Variants in CHRNG observed in about 807,000 individuals in gnomAD.
The protein encoded by CHRNG is acetylcholine receptor subunit gamma.
Under a neutral mutation model 65.2 loss-of-function variants are expected in CHRNG, and 72 were observed. That is an observed-to-expected ratio of 1.10 (90% CI 0.91 to 1.34). The LOEUF is 1.34. Ranked by LOEUF, CHRNG falls within the 40% of genes most tolerant of loss-of-function variation. CHRNG has a pLI of 0.00. For missense variants in CHRNG, 637 were observed against 680.1 expected, an observed-to-expected ratio of 0.94 and a Z score of 0.70; for synonymous variants, 284 against 290.2, an observed-to-expected ratio of 0.98 and a Z score of 0.22.
In CHRNG at chr2:232,545,741, TG is replaced by T; in HGVS notation, c.*28del. The T allele has an allele frequency of 6.2e-7, 1 of 1,613,300 alleles. No homozygotes were observed. Among genetic ancestry groups the T allele is most frequent in the South Asian group, 1.1e-5 (1 of 91,076 alleles). ...AGCCAACCAACCACTGTGGGGCATG[TG>T]GGAGTCACACACGTGGGTCACACTG... On this transcript the variant is annotated 3_prime_UTR_variant, in exon 12 of 12. Coordinates refer to ENST00000651502, the MANE Select transcript of CHRNG (RefSeq NM_005199.5).
intron 1 of CHRNG, 57 bp from the exon 2 acceptor site, chr2:232,539,935 G>A: frequency 6.2e-7 from 1 of 1,612,958 alleles, no homozygotes; most frequent in Non-Finnish European, 8.5e-7. Flanking sequence ...CACCCCCAGG[G>A]CCTCCCCGCT....
Position 232,546,209 on chromosome 2 carries a change from A to C in CHRNG, c.*493A>C, listed in dbSNP as rs1198488614. On this transcript the variant is annotated 3_prime_UTR_variant, in exon 12 of 12. Transcript: ENST00000651502. Reference sequence around the variant, plus strand: ...CATCTCCCCCCCGTGCCTTCTGGGTACAATAAGCACCCAATTCTCAACAGC... The same window carrying C: ...CATCTCCCCCCCGTGCCTTCTGGGTCCAATAAGCACCCAATTCTCAACAGC... 1.5e-5 allele frequency: 3 copies of C among 201,542 alleles called. No homozygotes were observed. The Admixed American group carries it at 1.6e-4, about 11-fold the overall frequency. The allele number at this position is 201,542 out of a possible 1,614,324, so 12.5% of individuals were successfully genotyped here.
At chr2:232,544,263 T>C in intron 9 of CHRNG, 104 bp from the exon 10 acceptor site, 1 of 887,116 alleles carries the variant, frequency 1.1e-6, no homozygotes, top group Admixed American at 1.7e-5. Flanking sequence ...ACTGCCCCGG[T>C]ATGCTGCCTC....
At position 232,542,465 on chromosome 2, in the gene CHRNG, T is replaced by A. The variant is rs755060349; in HGVS notation, c.549T>A (p.Ser183Arg). 3.7e-6 allele frequency: 6 copies of A among 1,613,914 alleles called. No individual in the cohort carries two copies. The highest frequency in any genetic ancestry group is 5.1e-6 in the Non-Finnish European group (6 of 1,179,952). Residue 183 changes from serine (S) to arginine (R), a missense_variant, in exon 6 of 12, where the codon AGT becomes AGA. By Grantham distance (110) the Ser-to-Arg change is moderately radical. Transcript: ENST00000651502. ...CCAATGAGATTGATCTGCAGCTGAG[T>A]CAGGAAGATGGCCAGACCATCGAGT... is the stretch of plus-strand genomic sequence containing the variant. The part of the protein sequence containing the change: ...YSTNEIDLQL[S>R]QEDGQTIEWI...
At position 232,546,155 on chromosome 2, in the gene CHRNG, A is replaced by G. The variant is rs552059021; in HGVS notation, c.*439A>G. ...AAGAGTAGCAGCCGATGCTCTCTCC[A>G]AAGCAGGGCAGCAGCCCATACCAGC... On this transcript the variant is annotated 3_prime_UTR_variant, in exon 12 of 12. Coordinates refer to ENST00000651502, the MANE Select transcript of CHRNG (RefSeq NM_005199.5). The G allele has an allele frequency of 2.1e-4, 62 of 290,564 alleles. No homozygotes were observed. Among genetic ancestry groups the G allele is most frequent in the South Asian group, 2.0e-3 (60 of 29,370 alleles). The allele number at this position is 290,564 out of a possible 1,614,324, so 18.0% of individuals were successfully genotyped here. A position where few individuals can be genotyped will look rare whatever the true frequency, so the allele number is the denominator to read the frequency against.
intron 11 of CHRNG, among the ~76,000 whole-genome samples, chr2:232,545,165 G>A (rs1692101204): frequency 6.6e-6 from 1 of 152,094 alleles, no homozygotes; most frequent in Non-Finnish European, 1.5e-5. Flanking sequence ...AAATTAGCTG[G>A]GTGTGGTGGC....
rs200661257 is a variant in CHRNG, at chr2:232,539,767, C to T, written c.20C>T (p.Pro7Leu). 2.1e-5 allele frequency: 34 copies of T among 1,613,904 alleles called. No individual in the cohort carries two copies. Among genetic ancestry groups the T allele is most frequent in the East Asian group, 1.3e-4 (6 of 44,880 alleles). The change falls in exon 1 of 12, where the codon CCG (proline) becomes CTG (leucine). Residue 7 changes from proline (P) to leucine (L), a missense_variant. Physicochemically the swap from Pro to Leu is moderately conservative, Grantham distance 98 (BLOSUM62 -3). Transcript: ENST00000651502. Reference sequence around the variant, plus strand: ...GGCACCATGCATGGGGGCCAGGGGCCGCTGCTCCTCCTGCTGCTGCTGGCT... The same window carrying T: ...GGCACCATGCATGGGGGCCAGGGGCTGCTGCTCCTCCTGCTGCTGCTGGCT... The part of the protein sequence containing the change: MHGGQG[P>L]LLLLLLLAVC...
In CHRNG at chr2:232,546,883, G is replaced by A. The variant is rs1031682978; in HGVS notation, c.*1167G>A. On this transcript the variant is annotated 3_prime_UTR_variant, in exon 12 of 12. Transcript: ENST00000651502. ...GGAAGAGCTAGGCAAGAGGAGGTGTGGAGTTAACAGAGAGCCACTGAGCTC... is the reference window on the plus strand; with the variant it reads ...GGAAGAGCTAGGCAAGAGGAGGTGTAGAGTTAACAGAGAGCCACTGAGCTC... Among the ~76,000 whole-genome samples the A allele has an allele frequency of 1.3e-5, 2 of 152,092 alleles. No homozygotes were observed. Among genetic ancestry groups the A allele is most frequent in the Admixed American group, 6.5e-5 (1 of 15,272 alleles).
chr2:232,545,465 A>T, intron 11 of CHRNG, 78 bp from the exon 12 acceptor site: 1 of 1,317,224 alleles, frequency 7.6e-7, no homozygotes, highest in Non-Finnish European at 1.1e-6. Context: ...GGCCTGCTGG[A>T]AGCCCAAGGA....
At chr2:232,539,894 CCT>C (rs1170268110) in intron 1 of CHRNG, 92 bp downstream of exon 1, 1 of 1,607,860 alleles carries the variant, frequency 6.2e-7, no homozygotes, top group Non-Finnish European at 8.5e-7. Context: ...TGGGGCCTGC[CCT>C]GGACCCAGTT....
chr2:232,540,023 G>C lies in CHRNG; in HGVS notation c.87G>C (p.Leu29=). ...GAQGRNQEER[L]LADLMQNYDP... ...AGGGCCGGAACCAGGAGGAGCGCCTGCTCGCAGACCTGATGCAAAACTACG... is the reference window on the plus strand; with the variant it reads ...AGGGCCGGAACCAGGAGGAGCGCCTCCTCGCAGACCTGATGCAAAACTACG... The change falls in exon 2 of 12, where the codon CTG becomes CTC. Residue 29 remains leucine (L), a synonymous_variant. Coordinates refer to ENST00000651502, the MANE Select transcript of CHRNG (RefSeq NM_005199.5). This position sits in a 1 kb window ranked among gnomAD's most constrained non-coding sequence, Gnocchi z 4.2. 2.5e-6 allele frequency: 4 copies of C among 1,614,192 alleles called. No individual in the cohort carries two copies. Among genetic ancestry groups the C allele is most frequent in the Non-Finnish European group, 3.4e-6 (4 of 1,180,024 alleles).
rs1490707377 is a variant in CHRNG, at chr2:232,541,218, C to G, written c.351-156C>G. ...GTGGCAGGAGGATTGCTGGGGGGAC[C>G]TAGTGGTCCGGGTGGGAACCAGTCA... is the stretch of plus-strand genomic sequence containing the variant. On this transcript the variant is annotated intron_variant, in intron 4 of 11. Transcript: ENST00000651502. This position sits in a 1 kb window ranked among gnomAD's most constrained non-coding sequence, Gnocchi z 4.0. Among the ~76,000 whole-genome samples the G allele has an allele frequency of 6.7e-6, 1 of 149,292 alleles. No individual in the cohort carries two copies. The highest frequency in any genetic ancestry group is 2.5e-5 in the African/African-American group (1 of 40,204).
In CHRNG at chr2:232,541,711, CCTG is replaced by C; in HGVS notation, c.506+185_506+187del. 1 of 684,022 alleles carries C rather than the reference CCTG, an allele frequency of 1.5e-6. No homozygotes were observed. Among genetic ancestry groups the C allele is most frequent in the Non-Finnish European group, 2.5e-6 (1 of 397,322 alleles). 42.4% of individuals were successfully genotyped at this position (684,022 alleles called of 1,614,324 possible). A position where few individuals can be genotyped will look rare whatever the true frequency, so the allele number is the denominator to read the frequency against. ...GACACCTGAAGGTGCCCAAGCTCTC[CCTG>C]CTAAGCCCGAGTCCCCTCACTCATC... On this transcript the variant is annotated intron_variant, in intron 5 of 11. Coordinates refer to ENST00000651502, the MANE Select transcript of CHRNG (RefSeq NM_005199.5). This position sits in a 1 kb window ranked among gnomAD's most constrained non-coding sequence, Gnocchi z 4.0.
chr2:232,545,823 C>A lies in CHRNG; in HGVS notation c.*107C>A. 7.9e-7 allele frequency: 1 copy of A among 1,268,178 alleles called. No individual in the cohort carries two copies. The highest frequency in any genetic ancestry group is 1.5e-5 in the African/African-American group (1 of 68,504). The allele number at this position is 1,268,178 out of a possible 1,614,324, so 78.6% of individuals were successfully genotyped here. ...TCCTAAGTGTGCTCTTTGGGAAGTG[C>A]CCTTCAGGACTGTGTGAGCCAAACA... On this transcript the variant is annotated 3_prime_UTR_variant, in exon 12 of 12. Transcript: ENST00000651502.
Position 232,540,255 on chromosome 2 carries a change from A to G in CHRNG, c.195+124A>G, listed in dbSNP as rs755036597. 208 of 1,596,310 alleles carry G rather than the reference A, an allele frequency of 1.3e-4. No homozygotes were observed. Among genetic ancestry groups the G allele is most frequent in the Non-Finnish European group, 1.7e-4 (193 of 1,164,642 alleles). ...AAATCGGACAGGCTGGGGTCTGGAAAACCCCCATGGTTGTGGGGGGAGTAC... is the reference window on the plus strand; with the variant it reads ...AAATCGGACAGGCTGGGGTCTGGAAGACCCCCATGGTTGTGGGGGGAGTAC... On this transcript the variant is annotated intron_variant, in intron 2 of 11. Coordinates refer to ENST00000651502, the MANE Select transcript of CHRNG (RefSeq NM_005199.5). The surrounding 1 kb of genome is among the most constrained non-coding windows in gnomAD (Gnocchi z 4.2).
chr2:232,544,278 G>A (rs997977107), intron 9 of CHRNG, 89 bp from the exon 10 acceptor site: 2 of 978,392 alleles, frequency 2.0e-6, no homozygotes, highest in Non-Finnish European at 3.3e-6. Context: ...TGCCTCCATG[G>A]TCCCTAGCAG....
Position 232,540,504 on chromosome 2 carries a change from C to T in CHRNG, c.240+79C>T. On this transcript the variant is annotated intron_variant, in intron 3 of 11. Coordinates refer to ENST00000651502, the MANE Select transcript of CHRNG (RefSeq NM_005199.5). The surrounding 1 kb of genome is among the most constrained non-coding windows in gnomAD (Gnocchi z 4.2). ...CAAGGCCTCCTGAGAGTTGCCTGCC[C>T]CGTTCCTGCCTCTTCTGTCCTCTTG... 2 of 1,601,864 alleles carry T rather than the reference C, an allele frequency of 1.2e-6. No individual in the cohort carries two copies. The highest frequency in any genetic ancestry group is 8.5e-7 in the Non-Finnish European group (1 of 1,173,722).
intron 5 of CHRNG, 89 bp from the exon 6 acceptor site, chr2:232,542,334 T>C: frequency 1.2e-6 from 1 of 829,316 alleles, no homozygotes; most frequent in East Asian, 2.5e-5. Context: ...GAAGAAAAGC[T>C]GCCCACACTT....
chr2:232,545,417 G>A (rs566656049), intron 11 of CHRNG, 126 bp from the exon 12 acceptor site: 34 of 887,634 alleles, frequency 3.8e-5, no homozygotes, highest in South Asian at 3.3e-4. Flanking sequence ...GTTGGGACCC[G>A]GACATAGGTA....
Sources: allele counts gnomAD v4.1 joint callset (sites outside exome capture counted in the v4.1 genomes callset), GRCh38; gene constraint gnomAD v4.1.1; non-coding constraint Gnocchi (gnomAD v3.1); transcripts MANE v1.5; gene names NCBI Gene and HGNC (gene_info 2026-07-23, HGNC 2026-07-21).